The following ACAP1 variants were observed in gnomAD, a reference collection of about 807,000 sequenced individuals.
ACAP1 encodes the protein ArfGAP with coiled-coil, ankyrin repeat and PH domains 1.
In ACAP1, 45 loss-of-function variants were observed where a neutral mutation model predicts 98.8. That is an observed-to-expected ratio of 0.46 (90% CI 0.36 to 0.58). The LOEUF (loss-of-function observed/expected upper bound fraction) is 0.58. ACAP1 is among the 20% of genes least tolerant of loss of function. The pLI is 0.00. For synonymous variants in ACAP1, 362 were observed against 375.3 expected (o/e 0.96, Z 0.41); for missense variants, 735 against 971.4 (o/e 0.76, Z 3.24).
Position 7,343,650 on chromosome 17 carries a change from G to A in ACAP1, c.529-56G>A. On this transcript the variant is annotated intron_variant, in intron 6 of 21. Coordinates refer to ENST00000158762, the MANE Select transcript of ACAP1 (RefSeq NM_014716.4). The surrounding 1 kb of genome is among the most constrained non-coding windows in gnomAD (Gnocchi z 4.9). ...GGTCTCCAGTGTGCAGTGGGAAGGGGTGCTGTGTCTTCAAGACTGATCTGG... is the reference window on the plus strand; with the variant it reads ...GGTCTCCAGTGTGCAGTGGGAAGGGATGCTGTGTCTTCAAGACTGATCTGG... 1 of 1,600,686 alleles carries A rather than the reference G, an allele frequency of 6.2e-7. No individual in the cohort carries two copies. The highest frequency in any genetic ancestry group is 8.5e-7 in the Non-Finnish European group (1 of 1,171,478).
rs1254700040 is a variant in ACAP1, at chr17:7,348,239, C to A, written c.1508+18C>A. On this transcript the variant is annotated intron_variant, in intron 16 of 21. Coordinates refer to ENST00000158762, the MANE Select transcript of ACAP1 (RefSeq NM_014716.4). ...TGCTCCCGGTGAGCTTGGGGTTTAG[C>A]CTCCCAGGGGAATGGGGGACCCCTG... 1 of 1,612,138 alleles carries A rather than the reference C, an allele frequency of 6.2e-7. No homozygotes were observed. The highest frequency in any genetic ancestry group is 8.5e-7 in the Non-Finnish European group (1 of 1,179,060).
intron 21 of ACAP1, 111 bp downstream of exon 21, chr17:7,351,110 A>G: frequency 8.1e-7 from 1 of 1,241,876 alleles, no homozygotes; most frequent in Non-Finnish European, 1.2e-6. Flanking sequence ...GTTATTTAAC[A>G]AATGCGTATT....
At chr17:7,348,810 G>T in intron 17 of ACAP1, 185 bp from the exon 18 acceptor site, 1 of 616,448 alleles carries the variant, frequency 1.6e-6, no homozygotes, top group Non-Finnish European at 2.8e-6. Context: ...ACACCCTAGG[G>T]ACTCGTACAC....
intron 2 of ACAP1, among the ~76,000 whole-genome samples, chr17:7,340,472 A>T (rs2073264900): frequency 6.6e-6 from 1 of 152,214 alleles, no homozygotes; most frequent in Non-Finnish European, 1.5e-5. Context: ...CTAGACACAG[A>T]GTCCTCAGAT....
chr17:7,350,430 G>A lies in ACAP1; in HGVS notation c.2072+193G>A, dbSNP rs1248662695. The A allele has an allele frequency of 3.4e-6, 2 of 593,718 alleles. No homozygotes were observed. The highest frequency in any genetic ancestry group is 6.0e-6 in the Non-Finnish European group (2 of 334,158). The allele number at this position is 593,718 out of a possible 1,614,324, so 36.8% of individuals were successfully genotyped here. ...GTGTGCACTGGGACGTGGAGTAGAA[G>A]GCAGGCGGGAGGGCGGGCAGGGTGC... On this transcript the variant is annotated intron_variant, in intron 20 of 21. Transcript: ENST00000158762. This position sits in a 1 kb window ranked among gnomAD's most constrained non-coding sequence, Gnocchi z 4.6.
At chr17:7,348,968 C>T (rs1567631773) in intron 17 of ACAP1, 27 bp from the exon 18 acceptor site, 1 of 1,607,496 alleles carries the variant, frequency 6.2e-7, no homozygotes, top group Non-Finnish European at 8.5e-7. Flanking sequence ...GCTGCTTCCC[C>T]CTAACAGAAC....
At chr17:7,348,517 C>T (rs1233829449) in intron 17 of ACAP1, 42 bp downstream of exon 17, 3 of 1,444,418 alleles carry the variant, frequency 2.1e-6, no homozygotes, top group South Asian at 3.0e-5. Flanking sequence ...CTGCTGTGTG[C>T]TCGGCATCGT....
rs1167994392 is a variant in ACAP1, at chr17:7,344,089, A to G, written c.710A>G (p.Asp237Gly). Residue 237 changes from aspartate (D) to glycine (G), a missense_variant, in exon 9 of 22, where the codon GAC becomes GGC. Transcript: ENST00000158762. The surrounding 1 kb of genome is among the most constrained non-coding windows in gnomAD (Gnocchi z 4.9). ...TTGAATTCAGCACGAGAGAAGAGGG[A>G]CATGGAGCAGAGACACGTGCTGCTG... ...LVLNSAREKR[D>G]MEQRHVLLKQ... 1 of 1,589,928 alleles carries G rather than the reference A, an allele frequency of 6.3e-7. No individual in the cohort carries two copies. Among genetic ancestry groups the G allele is most frequent in the Admixed American group, 1.8e-5 (1 of 56,854 alleles).
At position 7,350,611 on chromosome 17, in the gene ACAP1, CT is replaced by C. The variant is rs35927903; in HGVS notation, c.2073-324del. ...AAGTTGTGGGGGAGGTGAGGATAGT[CT>C]TTTTTTTTTTTTTTGAGACGGAGTC... On this transcript the variant is annotated intron_variant, in intron 20 of 21. Coordinates refer to ENST00000158762, the MANE Select transcript of ACAP1 (RefSeq NM_014716.4). This position sits in a 1 kb window ranked among gnomAD's most constrained non-coding sequence, Gnocchi z 4.6. 0.51 allele frequency: 134,129 copies of C among 263,352 alleles called. 26,194 individuals are homozygous for C. The highest frequency in any genetic ancestry group is 0.62 in the African/African-American group (25,269 of 40,676). The allele number at this position is 263,352 out of a possible 1,614,324, so 16.3% of individuals were successfully genotyped here.
At chr17:7,342,199 T>TAGC (rs1289849473) in intron 3 of ACAP1, 76 bp from the exon 4 acceptor site, 1 of 1,606,276 alleles carries the variant, frequency 6.2e-7, no homozygotes, top group African/African-American at 1.3e-5. Flanking sequence ...ATGACAGCCG[T>TAGC]AGCAGGCTGG....
chr17:7,341,191 C>T (rs1474873062), intron 2 of ACAP1, among the ~76,000 whole-genome samples: 2 of 152,260 alleles, frequency 1.3e-5, no homozygotes, highest in African/African-American at 4.8e-5. Flanking sequence ...CGGTCTGTCA[C>T]CCAGGCTGGA....
intron 12 of ACAP1, 158 bp downstream of exon 12, chr17:7,346,649 G>C: frequency 8.7e-7 from 1 of 1,146,026 alleles, no homozygotes; most frequent in Admixed American, 2.2e-5. Flanking sequence ...AGGGTACAGG[G>C]TGATGGGGGA....
At chr17:7,342,754 A>G (rs1224669851) in intron 5 of ACAP1, 2 of 471,842 alleles carry the variant, frequency 4.2e-6, no homozygotes, top group Admixed American at 7.1e-5. Flanking sequence ...TACGAAAAAA[A>G]AAAATTAGCC....
rs375497925 is a variant in ACAP1, at chr17:7,342,328, G to A, written c.285G>A (p.Ala95=). ...TGAACCACAAGCTGGACAGCCATGC[G>A]GTAAGTAGGGGAAGGTAAGGATTGT... ...VSLNHKLDSH[A]ELLDATQHTL... is the part of the protein sequence containing the mutation. Residue 95 remains alanine, a splice_region_variant and synonymous_variant, in exon 4 of 22, where the codon GCG becomes GCA. Coordinates refer to ENST00000158762, the MANE Select transcript of ACAP1 (RefSeq NM_014716.4). 4.1e-5 allele frequency: 66 copies of A among 1,613,994 alleles called. No individual in the cohort carries two copies. Among genetic ancestry groups the A allele is most frequent in the Admixed American group, 8.3e-5 (5 of 59,990 alleles).
At position 7,343,356 on chromosome 17, in the gene ACAP1, CTG is replaced by C. The variant is rs750783650; in HGVS notation, c.345-19_345-18del. 26 of 1,599,674 alleles carry C rather than the reference CTG, an allele frequency of 1.6e-5. No individual in the cohort carries two copies. The highest frequency in any genetic ancestry group is 3.4e-5 in the Admixed American group (2 of 58,572). ...GGGCAGGTGGGTGTTAGCTGCGATT[CTG>C]TGTTATTTTCCCATCCTCAGAGGTC... On this transcript the variant is annotated intron_variant, in intron 5 of 21. Transcript: ENST00000158762. The surrounding 1 kb of genome is among the most constrained non-coding windows in gnomAD (Gnocchi z 4.9).
rs771742886 is a variant in ACAP1 at position 7,350,284 on chromosome 17, C to T, written c.2072+47C>T. ...GGGCTGGCGCTGGGACTCCCCCCACCCCCGCCCACCCACGTTCGGGCGGGC... is the reference window on the plus strand; with the variant it reads ...GGGCTGGCGCTGGGACTCCCCCCACTCCCGCCCACCCACGTTCGGGCGGGC... On this transcript the variant is annotated intron_variant, in intron 20 of 21. Transcript: ENST00000158762. The surrounding 1 kb of genome is among the most constrained non-coding windows in gnomAD (Gnocchi z 4.6). 4.0e-6 allele frequency: 6 copies of T among 1,514,324 alleles called. No homozygotes were observed. In the Admixed American group the frequency reaches 8.8e-5, roughly 22 times the overall value. The allele number at this position is 1,514,324 out of a possible 1,614,324, so 93.8% of individuals were successfully genotyped here. A position where few individuals can be genotyped will look rare whatever the true frequency, so the allele number is the denominator to read the frequency against.
At chr17:7,346,144 C>T in intron 10 of ACAP1, 100 bp from the exon 11 acceptor site, 1 of 1,101,540 alleles carries the variant, frequency 9.1e-7, no homozygotes, top group Non-Finnish European at 1.4e-6. Flanking sequence ...GCCCAGGTGT[C>T]TGTCCTCTCA....
Position 7,342,312 on chromosome 17 carries a change from A to G in ACAP1, c.269A>G (p.Lys90Arg). 1 of 1,614,184 alleles carries G rather than the reference A, an allele frequency of 6.2e-7. No homozygotes were observed. Among genetic ancestry groups the G allele is most frequent in the Non-Finnish European group, 8.5e-7 (1 of 1,180,024 alleles). Reference protein sequence around the residue: ...LEKFTVSLNHKLDSHAELLDA... With the variant: ...LEKFTVSLNHRLDSHAELLDA... ...AAATTCACCGTGAGCCTGAACCACAAGCTGGACAGCCATGCGGTAAGTAGG... is the reference window on the plus strand; with the variant it reads ...AAATTCACCGTGAGCCTGAACCACAGGCTGGACAGCCATGCGGTAAGTAGG... Residue 90 changes from lysine to arginine, a missense_variant, in exon 4 of 22, where the codon AAG (lysine) becomes AGG (arginine). This residue lies in a region of ACAP1 where 430 missense variants were observed against 531.8 expected (regional missense o/e 0.81). Coordinates refer to ENST00000158762, the MANE Select transcript of ACAP1 (RefSeq NM_014716.4).
chr17:7,347,961 C>T lies in ACAP1; in HGVS notation c.1383C>T (p.Thr461=). Residue 461 remains threonine, a synonymous_variant, in exon 15 of 22, where the codon ACC becomes ACT. Transcript: ENST00000158762. ...GVHFSKVRSL[T]LDSWEPELVK... is the part of the protein sequence containing the mutation. ...ACTTCTCCAAAGTCCGGTCTCTGAC[C>T]CTTGACTCATGGGAGCCAGAACTAG... is the stretch of plus-strand genomic sequence containing the variant. The T allele has an allele frequency of 6.2e-7, 1 of 1,614,198 alleles. No individual in the cohort carries two copies. Among genetic ancestry groups the T allele is most frequent in the Non-Finnish European group, 8.5e-7 (1 of 1,180,026 alleles).
Sources: gnomAD v4.1 joint callset for allele counts (sites outside exome capture counted in the v4.1 genomes callset) on GRCh38, gnomAD v4.1.1 for gene constraint, gnomAD v4.1.1 regional missense constraint, Gnocchi (gnomAD v3.1) non-coding constraint, MANE v1.5 for transcripts, NCBI Gene and HGNC (gene_info 2026-07-23, HGNC 2026-07-21) for gene names.